The following UBQLN1 variants were observed in gnomAD, a reference collection of about 807,000 sequenced individuals.
The protein encoded by UBQLN1 is ubiquilin-1.
UBQLN1 carries 13 observed loss-of-function variants against 65.4 expected under a neutral mutation model. The observed-to-expected ratio is 0.20, with a 90% CI of 0.13 to 0.32. UBQLN1 has a LOEUF of 0.32. Ranked by LOEUF, UBQLN1 falls within the 10% of genes least tolerant of loss-of-function variation. The pLI is 1.00. For synonymous variants in UBQLN1, 267 were observed against 247.8 expected (o/e 1.08, Z -0.73); for missense variants, 561 against 724.0 (o/e 0.77, Z 2.58).
chr9:83,683,379 C>G (rs1389204850), intron 2 of UBQLN1, among the ~76,000 whole-genome samples: 3 of 147,162 alleles, frequency 2.0e-5, no homozygotes, highest in Non-Finnish European at 4.5e-5. Flanking sequence ...CCACTGCACT[C>G]CGTCCAGCCT....
At chr9:83,703,162 C>CAAA (rs11418417) in intron 1 of UBQLN1, among the ~76,000 whole-genome samples, 55 of 148,892 alleles carry the variant, frequency 3.7e-4, no homozygotes, top group Admixed American at 6.7e-4. Flanking sequence ...AACAATTAAC[C>CAAA]AAAAAAAAAA....
chr9:83,668,550 A>T (rs2131145499), intron 7 of UBQLN1: 1 of 985,484 alleles, frequency 1.0e-6, no homozygotes, highest in South Asian at 4.7e-5. Flanking sequence ...GGCCCCAACC[A>T]TCGGTACTGT....
chr9:83,681,706 A>G (rs1198923524), intron 3 of UBQLN1, among the ~76,000 whole-genome samples: 2 of 152,252 alleles, frequency 1.3e-5, no homozygotes, highest in Non-Finnish European at 2.9e-5. Context: ...AGTGCTCACC[A>G]AACATTTCAT....
Position 83,661,704 on chromosome 9 carries a change from C to A in UBQLN1, c.*83G>T. 6.9e-7 allele frequency: 1 copy of A among 1,444,966 alleles called. No homozygotes were observed. The highest frequency in any genetic ancestry group is 9.3e-7 in the Non-Finnish European group (1 of 1,070,224). The allele number at this position is 1,444,966 out of a possible 1,614,324, so 89.5% of individuals were successfully genotyped here. Reference sequence around the variant, plus strand: ...TATAACAGCACAGAATTCCAAGAGTCAAAATGAAATAAAGCAGGTATTTTA... The same window carrying A: ...TATAACAGCACAGAATTCCAAGAGTAAAAATGAAATAAAGCAGGTATTTTA... On this transcript the variant is annotated 3_prime_UTR_variant, in exon 11 of 11. Transcript: ENST00000376395.
intron 5 of UBQLN1, among the ~76,000 whole-genome samples, chr9:83,678,183 A>G (rs184136792): frequency 4.0e-5 from 6 of 151,550 alleles, no homozygotes; most frequent in African/African-American, 1.5e-4. Flanking sequence ...CACCACGCCC[A>G]GCTAATTTTT....
At chr9:83,680,789 G>C (rs577249260) in intron 3 of UBQLN1, among the ~76,000 whole-genome samples, 1 of 152,194 alleles carries the variant, frequency 6.6e-6, no homozygotes, top group Non-Finnish European at 1.5e-5. Flanking sequence ...CTGAGGAGGA[G>C]GTCAGGGGAA....
In UBQLN1 at chr9:83,703,047, T is replaced by C. The variant is rs571066705; in HGVS notation, c.180+4453A>G. 9.2e-5 allele frequency among the ~76,000 whole-genome samples: 14 copies of C among 152,204 alleles called. No homozygotes were observed. The East Asian group carries it at 2.7e-3, about 29-fold the overall frequency. On this transcript the variant is annotated intron_variant, in intron 1 of 10. Transcript: ENST00000376395. ...GAAGTTACACAGAAACTCCCCTCCA[T>C]TATCTGCACTAATGTCTCACATATA...
At chr9:83,699,841 T>C (rs1035764247) in intron 1 of UBQLN1, among the ~76,000 whole-genome samples, 6 of 152,174 alleles carry the variant, frequency 3.9e-5, no homozygotes, top group African/African-American at 1.4e-4. Flanking sequence ...CATAAGCAAA[T>C]GGGCACAATA....
At position 83,663,989 on chromosome 9, in the gene UBQLN1, A is replaced by G. The variant is rs759458939; in HGVS notation, c.1503T>C (p.Asn501=). 1.2e-6 allele frequency: 2 copies of G among 1,614,184 alleles called. No individual in the cohort carries two copies. The highest frequency in any genetic ancestry group is 2.2e-5 in the South Asian group (2 of 91,088). ...LGSTGGSSGT[N]GSNATPSENT... ...TTTCACTAGGTGTGGCGTTAGATCC[A>G]TTAGTTCCCGAAGAGCCTCCAGTGC... Residue 501 remains asparagine, a synonymous_variant, in exon 10 of 11, where the codon AAT becomes AAC. Coordinates refer to ENST00000376395, the MANE Select transcript of UBQLN1 (RefSeq NM_013438.5).
At chr9:83,687,627 G>T (rs1832060902) in intron 1 of UBQLN1, among the ~76,000 whole-genome samples, 3 of 152,134 alleles carry the variant, frequency 2.0e-5, no homozygotes, top group Non-Finnish European at 4.4e-5. Flanking sequence ...AAAATCTTGT[G>T]GGGACAAGGA....
chr9:83,688,585 G>A (rs918835082), intron 1 of UBQLN1, among the ~76,000 whole-genome samples: 56 of 151,708 alleles, frequency 3.7e-4, no homozygotes, highest in African/African-American at 1.2e-3. Flanking sequence ...TGCATCGGGC[G>A]GGGTGCAGTG....
At chr9:83,694,618 TTCTC>T (rs150069194) in intron 1 of UBQLN1, among the ~76,000 whole-genome samples, 278 of 152,328 alleles carry the variant, frequency 1.8e-3, no homozygotes, top group African/African-American at 5.6e-3. Flanking sequence ...ATTTTTTAGA[TTCTC>T]TCTAATTTAA....
chr9:83,679,584 A>T (rs1040642926), intron 4 of UBQLN1, among the ~76,000 whole-genome samples, 191 bp downstream of exon 4: 1 of 152,234 alleles, frequency 6.6e-6, no homozygotes, highest in African/African-American at 2.4e-5. Context: ...ATTTACAAAG[A>T]TCCTTCAATT....
At position 83,672,486 on chromosome 9, in the gene UBQLN1, G is replaced by T. The variant is rs11560627; in HGVS notation, c.1106-3159C>A. On this transcript the variant is annotated intron_variant, in intron 6 of 10. Coordinates refer to ENST00000376395, the MANE Select transcript of UBQLN1 (RefSeq NM_013438.5). ...AGTTATTAACTGACCCAATTTCAATGTTGTGTCTCAGAGAATAGGGAGACC... is the reference window on the plus strand; with the variant it reads ...AGTTATTAACTGACCCAATTTCAATTTTGTGTCTCAGAGAATAGGGAGACC... Among the ~76,000 whole-genome samples, 1,262 of 152,272 alleles carry T rather than the reference G, an allele frequency of 8.3e-3. 35 individuals are homozygous for T. The highest frequency in any genetic ancestry group is 0.046 in the East Asian group (236 of 5,178).
chr9:83,672,100 C>T (rs1440576559), intron 6 of UBQLN1, among the ~76,000 whole-genome samples: 1 of 152,196 alleles, frequency 6.6e-6, no homozygotes. Flanking sequence ...GATTCCTTAC[C>T]TCTCAGCTTT....
intron 9 of UBQLN1, 107 bp downstream of exon 9, chr9:83,664,923 C>CAAAAAAAAAAA (rs539581441): frequency 8.6e-6 from 2 of 231,786 alleles, no homozygotes; most frequent in African/African-American, 4.2e-5. Flanking sequence ...TGTATCCCAC[C>CAAAAAAAAAAA]AAAAAAAAAA....
chr9:83,674,086 A>C (rs575131365), intron 6 of UBQLN1, among the ~76,000 whole-genome samples: 1 of 152,182 alleles, frequency 6.6e-6, no homozygotes, highest in Middle Eastern at 3.4e-3. Flanking sequence ...AGTATGAGCC[A>C]CCATGCCACA....
At chr9:83,665,932 G>A (rs2781000) in intron 8 of UBQLN1, among the ~76,000 whole-genome samples, 106,777 of 151,850 alleles carry the variant, frequency 0.7, 38,396 homozygotes, top group East Asian at 0.88. Flanking sequence ...ACCCCTTGGG[G>A]AAAAAAAGCC....
At chr9:83,677,591 C>T in intron 6 of UBQLN1, 136 bp downstream of exon 6, 3 of 622,390 alleles carry the variant, frequency 4.8e-6, no homozygotes, top group Middle Eastern at 4.5e-4. Flanking sequence ...AAAACAAAAG[C>T]AACATGAAAA....
Sources: gnomAD v4.1 joint callset for allele counts (sites outside exome capture counted in the v4.1 genomes callset) on GRCh38, gnomAD v4.1.1 for gene constraint, MANE v1.5 for transcripts, NCBI Gene and HGNC (gene_info 2026-07-23, HGNC 2026-07-21) for gene names.